PCDH15: variants seen among roughly 807,000 people sequenced by gnomAD.
PCDH15 encodes the protein protocadherin-15.
PCDH15 carries 129 observed loss-of-function variants against 178.5 expected under a neutral mutation model. That is an observed-to-expected ratio of 0.72 (90% CI 0.63 to 0.84). The LOEUF (loss-of-function observed/expected upper bound fraction) is 0.84. PCDH15 is among the 40% of genes least tolerant of loss of function. The pLI is 0.00. For synonymous variants in PCDH15, 800 were observed against 732.0 expected (o/e 1.09, Z -1.50); for missense variants, 2,230 against 2,099.9 (o/e 1.06, Z -1.21).
At chr10:54,361,510 C>G (rs1195322743) in intron 5 of PCDH15, among the ~76,000 whole-genome samples, 1 of 151,476 alleles carries the variant, frequency 6.6e-6, no homozygotes, top group Non-Finnish European at 1.5e-5. Context: ...TTCTCTGTAT[C>G]CTTTAACCTT....
At chr10:55,413,704 A>C (rs1225231339) in intron 2 of PCDH15, among the ~76,000 whole-genome samples, 2 of 151,750 alleles carry the variant, frequency 1.3e-5, no homozygotes, top group Non-Finnish European at 3.0e-5. Flanking sequence ...AGCATTTTTC[A>C]GGTTAAAATG....
chr10:53,868,740 T>C (rs2079624006), intron 26 of PCDH15, among the ~76,000 whole-genome samples: 1 of 152,180 alleles, frequency 6.6e-6, no homozygotes, highest in Non-Finnish European at 1.5e-5. Flanking sequence ...GATAATCATA[T>C]CTACTTGTTA....
intron 1 of PCDH15, among the ~76,000 whole-genome samples, chr10:54,744,750 C>T (rs1313900494): frequency 6.6e-6 from 1 of 151,966 alleles, no homozygotes; most frequent in East Asian, 1.9e-4. Flanking sequence ...AGTATGTCTC[C>T]TTCTCTGGCA....
chr10:54,453,071 T>C (rs2076582360), intron 3 of PCDH15, among the ~76,000 whole-genome samples: 1 of 152,108 alleles, frequency 6.6e-6, no homozygotes, highest in Admixed American at 6.6e-5. Context: ...TGTAAACTAG[T>C]TCAAGGGTTG....
At chr10:54,699,476 T>G (rs2095279049) in intron 1 of PCDH15, among the ~76,000 whole-genome samples, 1 of 152,066 alleles carries the variant, frequency 6.6e-6, no homozygotes, top group South Asian at 2.1e-4. Flanking sequence ...TTTCTGCATG[T>G]TTTCAATATG....
At chr10:54,095,064 T>A (rs1565243912) in intron 15 of PCDH15, among the ~76,000 whole-genome samples, 2 of 152,162 alleles carry the variant, frequency 1.3e-5, no homozygotes, top group South Asian at 4.1e-4. Flanking sequence ...ATTCTACACA[T>A]TTCACAGGAC....
At chr10:55,566,183 A>T (rs1842298161) in intron 2 of PCDH15, among the ~76,000 whole-genome samples, 1 of 151,824 alleles carries the variant, frequency 6.6e-6, no homozygotes, top group African/African-American at 2.4e-5. Context: ...AATATACCAT[A>T]TTAACAATGA....
At chr10:54,564,602 G>C (rs1278115997) in intron 2 of PCDH15, among the ~76,000 whole-genome samples, 2 of 151,968 alleles carry the variant, frequency 1.3e-5, no homozygotes, top group Non-Finnish European at 2.9e-5. Context: ...TGTGACTCCT[G>C]GTGTGAATTA....
chr10:55,139,802 A>G (rs1372981673), intron 2 of PCDH15, among the ~76,000 whole-genome samples: 3 of 151,880 alleles, frequency 2.0e-5, no homozygotes, highest in Non-Finnish European at 2.9e-5. Context: ...GGAATCATTT[A>G]ATCTATATAA....
chr10:53,835,920 G>A lies in PCDH15; in HGVS notation c.3984-4387C>T, dbSNP rs538181895. Among the ~76,000 whole-genome samples the A allele has an allele frequency of 2.0e-5, 3 of 152,266 alleles. No individual in the cohort carries two copies. The East Asian group carries it at 5.8e-4, about 29-fold the overall frequency. On this transcript the variant is annotated intron_variant, in intron 29 of 37. Transcript: ENST00000644397. ...GGACACAAGAGAATATTCCTTCATG[G>A]TGTAAGAATAGGAACAAATCAGCAA...
chr10:54,758,878 A>G (rs1051614039), intron 1 of PCDH15, among the ~76,000 whole-genome samples: 1 of 152,058 alleles, frequency 6.6e-6, no homozygotes, highest in African/African-American at 2.4e-5. Context: ...TCTCTTTATG[A>G]TTTCATCTTT....
At chr10:54,377,629 G>A (rs1167624309) in intron 4 of PCDH15, among the ~76,000 whole-genome samples, 1 of 152,094 alleles carries the variant, frequency 6.6e-6, no homozygotes, top group African/African-American at 2.4e-5. Flanking sequence ...TTGTAAAGTG[G>A]ATCATAAACC....
At chr10:55,549,853 C>A (rs1427851145) in intron 2 of PCDH15, among the ~76,000 whole-genome samples, 2 of 152,058 alleles carry the variant, frequency 1.3e-5, no homozygotes, top group Middle Eastern at 3.2e-3. Context: ...ATTGGTACGA[C>A]AAATAGAGGA....
At chr10:54,173,030 T>C (rs1414904968) in intron 13 of PCDH15, among the ~76,000 whole-genome samples, 3 of 152,180 alleles carry the variant, frequency 2.0e-5, no homozygotes, top group African/African-American at 7.2e-5. Flanking sequence ...TTACACAAAT[T>C]CAAAATGCAA....
At chr10:54,851,621 G>A (rs997425587) in intron 3 of PCDH15, among the ~76,000 whole-genome samples, 18 of 152,102 alleles carry the variant, frequency 1.2e-4, no homozygotes, top group African/African-American at 4.3e-4. Context: ...TTGAAATGGA[G>A]TCTCCCTTTG....
At chr10:54,932,143 G>A (rs936311253) in intron 2 of PCDH15, among the ~76,000 whole-genome samples, 2 of 152,254 alleles carry the variant, frequency 1.3e-5, no homozygotes, top group East Asian at 3.9e-4. Context: ...TATAAAAAAA[G>A]TTAACTGTAA....
intron 10 of PCDH15, among the ~76,000 whole-genome samples, chr10:54,206,057 A>C (rs1370050768): frequency 6.6e-6 from 1 of 152,138 alleles, no homozygotes; most frequent in Non-Finnish European, 1.5e-5. Context: ...CACATTTCAC[A>C]CCTAGGGAAT....
intron 2 of PCDH15, among the ~76,000 whole-genome samples, chr10:55,004,983 T>A (rs1839889919): frequency 6.6e-6 from 1 of 152,062 alleles, no homozygotes. Flanking sequence ...GTTCCAATGA[T>A]ATAAAACCTT....
intron 32 of PCDH15, chr10:53,823,004 C>G: frequency 1.2e-6 from 2 of 1,614,040 alleles, no homozygotes; most frequent in East Asian, 4.5e-5. Flanking sequence ...CTGACTGACT[C>G]CACAGCCTCT....
Sources: allele counts gnomAD v4.1 joint callset (sites outside exome capture counted in the v4.1 genomes callset), GRCh38; gene constraint gnomAD v4.1.1; transcripts MANE v1.5; gene names NCBI Gene and HGNC (gene_info 2026-07-23, HGNC 2026-07-21).